CCDC77: variants seen among roughly 807,000 people sequenced by gnomAD.
CCDC77 encodes the protein coiled-coil domain-containing protein 77.
CCDC77 carries 56 observed loss-of-function variants against 66.8 expected under a neutral mutation model. The observed-to-expected ratio is 0.84, with a 90% CI of 0.68 to 1.05. The LOEUF (loss-of-function observed/expected upper bound fraction) is 1.05, where lower values mean the gene tolerates loss of function less well. Among genes scored for constraint, CCDC77 ranks in the 50% least tolerant of loss-of-function variants. The probability of loss-of-function intolerance (pLI) is 0.00; values close to 1 mark genes in which losing one functional copy is unlikely to be tolerated. For missense variants in CCDC77, 570 were observed against 576.8 expected (o/e 0.99, Z 0.12); for synonymous variants, 196 against 195.2 (o/e 1.00, Z -0.03).
chr12:393,856 T>C (rs1944792124), intron 1 of CCDC77, among the ~76,000 whole-genome samples: 1 of 152,332 alleles, frequency 6.6e-6, no homozygotes, highest in Admixed American at 6.5e-5. Context: ...ATGGACTTTT[T>C]TACCCAGTCA....
intron 5 of CCDC77, among the ~76,000 whole-genome samples, chr12:423,503 T>TTTG (rs1565572318): frequency 9.1e-6 from 1 of 109,622 alleles, no homozygotes; most frequent in South Asian, 3.2e-4. Flanking sequence ...TGTTTTTTTT[T>TTTG]TTTTTTTTTT....
At chr12:399,229 T>G (rs1944866356), upstream of CCDC77, among the ~76,000 whole-genome samples, 1 of 151,948 alleles carries the variant, frequency 6.6e-6, no homozygotes, top group African/African-American at 2.4e-5. Context: ...TGGAGTGCAA[T>G]GGCACGATCT....
In CCDC77 at chr12:438,355, T is replaced by G; in HGVS notation, c.842T>G (p.Leu281Arg). 6.2e-7 allele frequency: 1 copy of G among 1,613,780 alleles called. No homozygotes were observed. The highest frequency in any genetic ancestry group is 8.5e-7 in the Non-Finnish European group (1 of 1,179,826). Residue 281 changes from leucine to arginine, a missense_variant, in exon 10 of 13, where the codon CTG becomes CGG. Coordinates refer to ENST00000239830, the MANE Select transcript of CCDC77 (RefSeq NM_032358.4). Reference sequence around the variant, plus strand: ...CCTAGTCTTCACCACACCCAAGAACTGCTCTATGAGAGCACCAAAGATTTT... The same window carrying G: ...CCTAGTCTTCACCACACCCAAGAACGGCTCTATGAGAGCACCAAAGATTTT... Reference protein sequence around the residue: ...LTKNLHHTQELLYESTKDFLQ... With the variant: ...LTKNLHHTQERLYESTKDFLQ...
chr12:423,471 TTTTTTG>T lies in CCDC77; in HGVS notation c.413+4837_413+4842del, dbSNP rs1565572140. On this transcript the variant is annotated intron_variant, in intron 5 of 12. Transcript: ENST00000239830. ...TGTTATTTTCTGGGTGTTTTTTGTG[TTTTTTG>T]TGTTTTTTTTTGTTTTGTTTTTTTT... Among the ~76,000 whole-genome samples, 10 of 53,374 alleles carry T rather than the reference TTTTTTG, an allele frequency of 1.9e-4. 1 individual carries two copies. The highest frequency in any genetic ancestry group is 1.1e-3 in the African/African-American group (10 of 8,932). The allele number at this position is 53,374 out of a possible 152,430, so 35.0% of individuals were successfully genotyped here. A position where few individuals can be genotyped will look rare whatever the true frequency, so the allele number is the denominator to read the frequency against.
chr12:393,943 A>G (rs1020301530), intron 1 of CCDC77, among the ~76,000 whole-genome samples: 4 of 152,210 alleles, frequency 2.6e-5, no homozygotes, highest in African/African-American at 9.6e-5. Flanking sequence ...TAATGTTGAC[A>G]TGTATTATTA....
chr12:412,395 C>G (rs551452484), intron 4 of CCDC77, among the ~76,000 whole-genome samples: 30 of 152,260 alleles, frequency 2.0e-4, no homozygotes, highest in Non-Finnish European at 3.2e-4. Flanking sequence ...TCTTCTGCTC[C>G]ACCTGCATAG....
At chr12:439,065 G>A (rs890911566) in intron 10 of CCDC77, among the ~76,000 whole-genome samples, 10 of 151,884 alleles carry the variant, frequency 6.6e-5, no homozygotes, top group Non-Finnish European at 1.3e-4. Flanking sequence ...ATGACAGTGC[G>A]AGACTGTGTC....
chr12:409,720 G>A, intron 3 of CCDC77: 1 of 271,224 alleles, frequency 3.7e-6, no homozygotes, highest in Non-Finnish European at 7.1e-6. Flanking sequence ...TGTTGGCCGG[G>A]CACGGTGGCT....
chr12:425,619 G>A (rs1368950422), intron 5 of CCDC77, among the ~76,000 whole-genome samples: 1 of 151,984 alleles, frequency 6.6e-6, no homozygotes, highest in Non-Finnish European at 1.5e-5. Context: ...GTGGTAGCAT[G>A]TACCAGGTGA....
At chr12:411,674 C>A in intron 3 of CCDC77, 73 bp from the exon 4 acceptor site, 1 of 1,269,456 alleles carries the variant, frequency 7.9e-7, no homozygotes, top group Non-Finnish European at 1.1e-6. Flanking sequence ...ACAAAACCCC[C>A]TTTTATTTAG....
intron 5 of CCDC77, among the ~76,000 whole-genome samples, chr12:423,547 G>A (rs1945475868): frequency 7.2e-6 from 1 of 139,150 alleles, no homozygotes; most frequent in Non-Finnish European, 1.5e-5. Flanking sequence ...CCAGGCTGGA[G>A]TGCAGCGGCA....
chr12:415,320 T>G (rs1304230129), intron 4 of CCDC77, among the ~76,000 whole-genome samples: 3 of 116,178 alleles, frequency 2.6e-5, no homozygotes, highest in Non-Finnish European at 3.6e-5. Flanking sequence ...TATGTTAATA[T>G]AATCAACATA....
intron 9 of CCDC77, chr12:433,613 A>G: frequency 2.8e-6 from 1 of 354,152 alleles, no homozygotes; most frequent in East Asian, 7.6e-5. Flanking sequence ...TCACGCCTGT[A>G]ATCGCTCCTG....
chr12:402,815 A>T (rs895606997), intron 1 of CCDC77, among the ~76,000 whole-genome samples: 1 of 152,362 alleles, frequency 6.6e-6, no homozygotes, highest in East Asian at 1.9e-4. Flanking sequence ...CAAGATATTC[A>T]TATGGTTAGA....
At chr12:395,566 A>T (rs977428069) in intron 1 of CCDC77, among the ~76,000 whole-genome samples, 7 of 152,006 alleles carry the variant, frequency 4.6e-5, no homozygotes, top group Non-Finnish European at 7.4e-5. Flanking sequence ...AAAACAATAA[A>T]AATAATAATA....
chr12:401,570 C>T (rs1396857938), upstream of CCDC77: 1 of 152,220 alleles, frequency 6.6e-6, no homozygotes, highest in Non-Finnish European at 1.5e-5. Context: ...TCCAAAGGGC[C>T]ATGTAAACTT....
intron 1 of CCDC77, among the ~76,000 whole-genome samples, chr12:402,406 AAG>A (rs1177099761): frequency 6.6e-6 from 1 of 152,230 alleles, no homozygotes; most frequent in Non-Finnish European, 1.5e-5. Context: ...AGACTCAGGA[AAG>A]AGAAAAAGGA....
chr12:412,386 C>A (rs185575444), intron 4 of CCDC77, among the ~76,000 whole-genome samples: 3 of 152,348 alleles, frequency 2.0e-5, no homozygotes, highest in Admixed American at 6.5e-5. Context: ...CTCAATTATT[C>A]TTCTGCTCCA....
rs906584455 is a variant in CCDC77 at position 436,675 on chromosome 12, A to G, written c.822-1660A>G. The stretch of plus-strand genomic sequence containing the variant: ...AAGGAACAGATATTTTAATATTGTC[A>G]TAGTAATTTGTAATTTTATATCTGT... On this transcript the variant is annotated intron_variant, in intron 9 of 12. Transcript: ENST00000239830. The G allele has an allele frequency of 1.1e-5, 6 of 563,202 alleles. No individual in the cohort carries two copies. In the Admixed American group the frequency reaches 1.9e-4, roughly 18 times the overall value. The allele number at this position is 563,202 out of a possible 1,614,324, so 34.9% of individuals were successfully genotyped here.
Sources: gnomAD v4.1 joint callset for allele counts (sites outside exome capture counted in the v4.1 genomes callset) on GRCh38, gnomAD v4.1.1 for gene constraint, MANE v1.5 for transcripts, NCBI Gene and HGNC (gene_info 2026-07-23, HGNC 2026-07-21) for gene names.